The following CCT6B variants were observed in gnomAD, a reference collection of about 807,000 sequenced individuals.
CCT6B encodes the protein chaperonin containing TCP1 subunit 6B, also known as probable T-complex protein 1 subunit zeta-2.
Under a neutral mutation model 61.5 loss-of-function variants are expected in CCT6B, and 49 were observed. That is an observed-to-expected ratio of 0.80 (90% CI 0.63 to 1.01). CCT6B has a LOEUF of 1.01. Ranked by LOEUF, CCT6B falls within the 50% of genes least tolerant of loss-of-function variation. CCT6B has a pLI of 0.00. For synonymous variants in CCT6B, 228 were observed against 214.5 expected (o/e 1.06, Z -0.55); for missense variants, 666 against 634.7 (o/e 1.05, Z -0.53).
intron 5 of CCT6B, among the ~76,000 whole-genome samples, chr17:34,947,574 T>C (rs1020346022): frequency 6.6e-6 from 1 of 152,192 alleles, no homozygotes; most frequent in African/African-American, 2.4e-5. Flanking sequence ...AAAGGCATTT[T>C]CAGGCAAAGA....
chr17:34,939,648 C>CTACATACACAAGA lies in CCT6B; in HGVS notation c.1033_1034insTCTTGTGTATGTA (p.Gly345ValfsTer5), dbSNP rs768876342. ...ATACTCATACACAAGACCAGCATGT[C>CTACATACACAAGA]CCAAGCAATCTACAGTGAGATCTTC... On this transcript the variant is annotated stop_gained and frameshift_variant, in exon 9 of 14. Transcript: ENST00000314144. LOFTEE classifies it high-confidence loss of function. 85 of 1,612,746 alleles carry CTACATACACAAGA rather than the reference C, an allele frequency of 5.3e-5. No individual in the cohort carries two copies. In the African/African-American group the frequency reaches 1.0e-3, roughly 19 times the overall value.
intron 12 of CCT6B, among the ~76,000 whole-genome samples, chr17:34,929,534 A>C: frequency 7.3e-6 from 1 of 137,588 alleles, no homozygotes. Flanking sequence ...TGTTTTTGAG[A>C]CAGAGATCTT....
intron 4 of CCT6B, among the ~76,000 whole-genome samples, chr17:34,952,784 A>G (rs1319622168): frequency 1.8e-4 from 28 of 152,216 alleles, no homozygotes; most frequent in Admixed American, 1.8e-3. Flanking sequence ...AAATATACAT[A>G]AAGCAGAAAA....
Position 34,942,520 on chromosome 17 carries a change from A to G in CCT6B, c.849T>C (p.Ala283=). Residue 283 remains alanine (A), a synonymous_variant, in exon 7 of 14, where the codon GCT becomes GCC. Transcript: ENST00000314144. ...KIIDLKDKVC[A]QSNKGFVVIN... Reference sequence around the variant, plus strand: ...TGACGACAAATCCTTTATTTGACTGAGCACAGACTTTGTCCTTCAGGTCTA... The same window carrying G: ...TGACGACAAATCCTTTATTTGACTGGGCACAGACTTTGTCCTTCAGGTCTA... The G allele has an allele frequency of 1.3e-6, 2 of 1,599,124 alleles. No homozygotes were observed. Among genetic ancestry groups the G allele is most frequent in the Non-Finnish European group, 1.7e-6 (2 of 1,176,514 alleles).
In CCT6B at chr17:34,927,995, T is replaced by C. The variant is rs936694688; in HGVS notation, c.*53A>G. The C allele has an allele frequency of 1.4e-5, 18 of 1,295,512 alleles. No homozygotes were observed. The highest frequency in any genetic ancestry group is 2.0e-5 in the Non-Finnish European group (18 of 902,282). The allele number at this position is 1,295,512 out of a possible 1,614,324, so 80.3% of individuals were successfully genotyped here. A position where few individuals can be genotyped will look rare whatever the true frequency, so the allele number is the denominator to read the frequency against. ...CTCAGGCTACACAATAGTAGTCAGA[T>C]GTAAAGTGTACTAAATTTCATCTTC... On this transcript the variant is annotated 3_prime_UTR_variant, in exon 14 of 14. Transcript: ENST00000314144.
chr17:34,954,851 T>C lies in CCT6B; in HGVS notation c.337-252A>G, dbSNP rs554762229. 2.6e-5 allele frequency among the ~76,000 whole-genome samples: 4 copies of C among 152,346 alleles called. No individual in the cohort carries two copies. In the East Asian group the frequency reaches 5.8e-4, roughly 22 times the overall value. ...TCCAAAAATTATGACTACATTGTTG[T>C]TATGTGGTGCCCTTCTGAATGGGCA... On this transcript the variant is annotated intron_variant, in intron 3 of 13. Transcript: ENST00000314144.
At chr17:34,928,525 G>A (rs2089995414) in intron 13 of CCT6B, among the ~76,000 whole-genome samples, 1 of 152,054 alleles carries the variant, frequency 6.6e-6, no homozygotes, top group Admixed American at 6.6e-5. Context: ...CACCCGCCTC[G>A]GCCTCCCAAA....
At chr17:34,961,205 G>C (rs975119936) in intron 1 of CCT6B, 52 bp downstream of exon 1, 34 of 1,555,216 alleles carry the variant, frequency 2.2e-5, no homozygotes, top group Non-Finnish European at 3.0e-5. Flanking sequence ...GAGGGCGACA[G>C]GACACCAACG....
At chr17:34,956,973 A>T (rs2090354142) in intron 3 of CCT6B, among the ~76,000 whole-genome samples, 2 of 147,956 alleles carry the variant, frequency 1.4e-5, no homozygotes, top group African/African-American at 2.5e-5. Context: ...ACCAAGCCTA[A>T]TTTTTTTTTA....
intron 10 of CCT6B, among the ~76,000 whole-genome samples, chr17:34,938,646 C>T (rs2090122556): frequency 6.6e-6 from 1 of 151,730 alleles, no homozygotes; most frequent in Non-Finnish European, 1.5e-5. Context: ...CAAGTGGATC[C>T]CTTGAGCCCA....
chr17:34,945,969 C>T (rs1457807511), intron 5 of CCT6B, among the ~76,000 whole-genome samples: 1 of 152,158 alleles, frequency 6.6e-6, no homozygotes, highest in African/African-American at 2.4e-5. Context: ...AATGTCTTCA[C>T]AATGAGAAGA....
At chr17:34,940,403 T>C in intron 8 of CCT6B, 136 bp downstream of exon 8, 1 of 559,536 alleles carries the variant, frequency 1.8e-6, no homozygotes, top group South Asian at 2.5e-5. Context: ...TTACTGAAAC[T>C]AAAAACAAAA....
At chr17:34,947,225 G>C (rs1281417333) in intron 5 of CCT6B, among the ~76,000 whole-genome samples, 1 of 151,876 alleles carries the variant, frequency 6.6e-6, no homozygotes, top group African/African-American at 2.4e-5. Context: ...AGGAGAAGAA[G>C]GGATGAACAA....
chr17:34,958,772 G>C (rs2090377248), intron 2 of CCT6B, 78 bp from the exon 3 acceptor site: 3 of 1,045,206 alleles, frequency 2.9e-6, no homozygotes, highest in African/African-American at 3.3e-5. Context: ...ATAACCTAGG[G>C]GTCAGTAGCA....
chr17:34,958,506 T>C, intron 3 of CCT6B, 54 bp downstream of exon 3: 13 of 1,165,178 alleles, frequency 1.1e-5, no homozygotes, highest in Non-Finnish European at 1.5e-5. Context: ...ATTTTACTAG[T>C]TAAAAAAATA....
intron 5 of CCT6B, chr17:34,949,718 T>C (rs1479256276): frequency 6.6e-6 from 1 of 152,178 alleles, no homozygotes; most frequent in Non-Finnish European, 1.5e-5. Flanking sequence ...TTAAAAACTA[T>C]GCATCTAAAA....
Position 34,958,709 on chromosome 17 carries a change from C to G in CCT6B, c.202-15G>C. Reference sequence around the variant, plus strand: ...TGTTGAATTTGCTGGAAAAAGCAAGCAACAGATTTAAAAAGACAGGATGAG... The same window carrying G: ...TGTTGAATTTGCTGGAAAAAGCAAGGAACAGATTTAAAAAGACAGGATGAG... On this transcript the variant is annotated splice_polypyrimidine_tract_variant and intron_variant, in intron 2 of 13. Coordinates refer to ENST00000314144, the MANE Select transcript of CCT6B (RefSeq NM_006584.4). 1.9e-6 allele frequency: 3 copies of G among 1,582,732 alleles called. No homozygotes were observed. Among genetic ancestry groups the G allele is most frequent in the Non-Finnish European group, 2.6e-6 (3 of 1,165,296 alleles).
chr17:34,953,077 A>G (rs1209473470), intron 4 of CCT6B, among the ~76,000 whole-genome samples: 1 of 152,084 alleles, frequency 6.6e-6, no homozygotes, highest in Admixed American at 6.6e-5. Flanking sequence ...TCGATCAGAA[A>G]CAACTCAAGT....
intron 10 of CCT6B, among the ~76,000 whole-genome samples, chr17:34,937,983 G>C (rs572359746): frequency 6.6e-5 from 10 of 151,488 alleles, no homozygotes; most frequent in African/African-American, 2.4e-4. Flanking sequence ...CAGACTCTTG[G>C]GACTCAAGTG....
Sources: allele counts gnomAD v4.1 joint callset (sites outside exome capture counted in the v4.1 genomes callset), GRCh38; gene constraint gnomAD v4.1.1; transcripts MANE v1.5; gene names NCBI Gene and HGNC (gene_info 2026-07-23, HGNC 2026-07-21).